Variants in TRPM5 observed in about 807,000 individuals in gnomAD.
The protein encoded by TRPM5 is transient receptor potential cation channel subfamily M member 5.
Under a neutral mutation model 124.9 loss-of-function variants are expected in TRPM5, and 121 were observed. The ratio of observed to expected loss-of-function variants is 0.97; its 90% CI spans 0.84 to 1.13. The LOEUF (loss-of-function observed/expected upper bound fraction) is 1.13, where lower values mean the gene tolerates loss of function less well. TRPM5 is among the 50% of genes most tolerant of loss of function. TRPM5 has a pLI of 0.00. For synonymous variants in TRPM5, 781 were observed against 700.5 expected (o/e 1.11, Z -1.81); for missense variants, 1,643 against 1,589.1 (o/e 1.03, Z -0.58).
intron 12 of TRPM5, 52 bp downstream of exon 17, chr11:2,414,009 G>GGGGGCCCCCCCCCCCCCCCCCCCCCCC: frequency 3.3e-5 from 34 of 1,023,596 alleles, no homozygotes; most frequent in East Asian, 8.5e-5. Context: ...GGCCCAGCTC[G>GGGGGCCCCCCCCCCCCCCCCCCCCCCC]CCCGCCCACC....
At chr11:2,428,207 A>G in the TRPM5 span, among the ~76,000 whole-genome samples, 1 of 152,202 alleles carries the variant, frequency 6.6e-6, no homozygotes, top group East Asian at 1.9e-4. The surrounding 1 kb of genome is among the most constrained non-coding windows in gnomAD (Gnocchi z 4.0). Flanking sequence ...GGTTGCAGGT[A>G]ACACATGAGG....
the TRPM5 span, among the ~76,000 whole-genome samples, chr11:2,429,517 G>A: frequency 6.6e-6 from 1 of 151,698 alleles, no homozygotes; most frequent in Non-Finnish European, 1.5e-5. This position sits in a 1 kb window ranked among gnomAD's most constrained non-coding sequence, Gnocchi z 8.4. Context: ...GGTGTGGTAC[G>A]ATGGTGGTGC....
At chr11:2,424,207 T>C (rs988102774), upstream of TRPM5, among the ~76,000 whole-genome samples, 1 of 152,230 alleles carries the variant, frequency 6.6e-6, no homozygotes, top group Non-Finnish European at 1.5e-5. Flanking sequence ...GAGAAGACAA[T>C]GGACCGTTCT....
chr11:2,406,654 C>A lies in TRPM5; in HGVS notation c.3251+7G>T, dbSNP rs768453069. ...TACCCACCAGTGATCAGGACAGGCCCCCGCACCTGTGGGCGGTTTTCCGCA... is the reference window on the plus strand; with the variant it reads ...TACCCACCAGTGATCAGGACAGGCCACCGCACCTGTGGGCGGTTTTCCGCA... On this transcript the variant is annotated splice_region_variant and intron_variant, in intron 21 of 23. Transcript: ENST00000155858. 43 of 1,603,334 alleles carry A rather than the reference C, an allele frequency of 2.7e-5. No homozygotes were observed. The highest frequency in any genetic ancestry group is 3.5e-5 in the Non-Finnish European group (41 of 1,174,668).
chr11:2,438,483 G>A, the TRPM5 span, among the ~76,000 whole-genome samples: 164 of 152,168 alleles, frequency 1.1e-3, no homozygotes, highest in African/African-American at 3.9e-3. This position sits in a 1 kb window ranked among gnomAD's most constrained non-coding sequence, Gnocchi z 5.9. Context: ...TGGCCAATAT[G>A]GTGAAAACCC....
intron 23 of TRPM5, 115 bp downstream of exon 28, chr11:2,405,412 A>T: frequency 8.8e-7 from 1 of 1,131,770 alleles, no homozygotes; most frequent in Non-Finnish European, 1.3e-6. Flanking sequence ...AGGCCTCCTG[A>T]GACTCCCGGG....
At chr11:2,409,002 C>T (rs939752183) in intron 18 of TRPM5, among the ~76,000 whole-genome samples, 16 of 152,204 alleles carry the variant, frequency 1.1e-4, no homozygotes, top group Admixed American at 2.6e-4. Flanking sequence ...GGTTGCCCTG[C>T]GGTGGGTTCT....
At chr11:2,414,009 GCCCGCCCACCCCACCCCCT>G in intron 12 of TRPM5, 33 bp downstream of exon 17, 30 of 1,023,626 alleles carry the variant, frequency 2.9e-5, no homozygotes, top group East Asian at 1.1e-4. Flanking sequence ...GGCCCAGCTC[GCCCGCCCACCCCACCCCCT>G]GGCAGCTCTC....
In TRPM5 at chr11:2,406,043, C is replaced by T. The variant is rs1433743162; in HGVS notation, c.3300G>A (p.Lys1100=). The T allele has an allele frequency of 1.9e-6, 3 of 1,612,198 alleles. No individual in the cohort carries two copies. The South Asian group carries it at 3.3e-5, about 18-fold the overall frequency. Residue 1100 remains lysine (K), a synonymous_variant, in exon 22 of 24, where the codon AAG becomes AAA. Transcript: ENST00000155858. ...CCTGTGACTCCAGACACTTGATGCG[C>T]TTTTCTTGCTCTCTCAGACCCCCGA... is the stretch of plus-strand genomic sequence containing the variant.
chr11:2,409,836 C>T (rs1420937541), intron 18 of TRPM5, among the ~76,000 whole-genome samples: 6 of 152,208 alleles, frequency 3.9e-5, no homozygotes, highest in Admixed American at 3.9e-4. Flanking sequence ...ATCCCCGCAG[C>T]ACCGCAGACC....
chr11:2,414,678 C>T (rs770910069), intron 11 of TRPM5, 37 bp downstream of exon 16: 155 of 1,470,930 alleles, frequency 1.1e-4, no homozygotes, highest in Admixed American at 5.0e-4. Context: ...ACATCCTCCC[C>T]CGCGCGCGGG....
rs199622031 is a variant in TRPM5 at position 2,407,092 on chromosome 11, G to C, written c.3118+27C>G. 2.3e-4 allele frequency: 241 copies of C among 1,044,506 alleles called. 1 individual carries two copies. In the African/African-American group the frequency reaches 3.4e-3, roughly 15 times the overall value. The allele number at this position is 1,044,506 out of a possible 1,614,324, so 64.7% of individuals were successfully genotyped here. A position where few individuals can be genotyped will look rare whatever the true frequency, so the allele number is the denominator to read the frequency against. On this transcript the variant is annotated intron_variant, in intron 20 of 23. Coordinates refer to ENST00000155858, the Ensembl canonical transcript of TRPM5. Reference sequence around the variant, plus strand: ...GGACCCGCCACCTCGGCCTCACCCAGGTGCTCCCGCTTGTGCTCGGCCTCA... The same window carrying C: ...GGACCCGCCACCTCGGCCTCACCCACGTGCTCCCGCTTGTGCTCGGCCTCA...
At chr11:2,428,361 T>C in the TRPM5 span, among the ~76,000 whole-genome samples, 1 of 152,190 alleles carries the variant, frequency 6.6e-6, no homozygotes, top group Non-Finnish European at 1.5e-5. The surrounding 1 kb of genome is among the most constrained non-coding windows in gnomAD (Gnocchi z 4.0). Flanking sequence ...TGGTGGCCTC[T>C]CTAGTCTGGC....
chr11:2,417,970 G>T, intron 6 of TRPM5, 141 bp from the exon 12 acceptor site: 2 of 1,005,026 alleles, frequency 2.0e-6, no homozygotes, highest in Non-Finnish European at 1.5e-6. Context: ...CACCGGGCCC[G>T]GCCTGGGACC....
exon 15 of TRPM5, chr11:2,413,005 C>T (rs780781313): frequency 6.2e-7 from 1 of 1,604,280 alleles, no homozygotes; most frequent in Non-Finnish European, 8.5e-7. Flanking sequence ...TCCACCAGCT[C>T]CTCCACCCTG....
At chr11:2,413,175 G>T (rs766094589) in exon 14 of TRPM5, 1 of 1,552,728 alleles carries the variant, frequency 6.4e-7, no homozygotes, top group South Asian at 1.2e-5. Context: ...CCGTGTCCAG[G>T]CTGTCCAGGT....
rs917488634 is a variant in TRPM5, at chr11:2,414,337, C to T, written c.1745-131G>A. Reference sequence around the variant, plus strand: ...CTGCGTTCAACACGCAGGGCCCAGCCAGGCCTTCTGCCCCCTCCGGCCTGC... The same window carrying T: ...CTGCGTTCAACACGCAGGGCCCAGCTAGGCCTTCTGCCCCCTCCGGCCTGC... On this transcript the variant is annotated intron_variant, in intron 11 of 23. Coordinates refer to ENST00000155858, the Ensembl canonical transcript of TRPM5. The T allele has an allele frequency of 1.0e-5, 14 of 1,335,564 alleles. No individual in the cohort carries two copies. The African/African-American group carries it at 1.9e-4, about 18-fold the overall frequency. The allele number at this position is 1,335,564 out of a possible 1,614,324, so 82.7% of individuals were successfully genotyped here.
intron 22 of TRPM5, 48 bp downstream of exon 27, chr11:2,405,971 G>A (rs527779538): frequency 2.8e-5 from 43 of 1,543,724 alleles, no homozygotes; most frequent in Middle Eastern, 3.4e-4. Context: ...GTAGCCCCAC[G>A]CAGCCACCCG....
chr11:2,414,997 C>T (rs1457827107), exon 10 of TRPM5: 1 of 1,605,718 alleles, frequency 6.2e-7, no homozygotes, highest in South Asian at 1.1e-5. Flanking sequence ...TCTTCTGGTT[C>T]AGGTCCAGCA....
Sources: gnomAD v4.1 joint callset for allele counts (sites outside exome capture counted in the v4.1 genomes callset) on GRCh38, gnomAD v4.1.1 for gene constraint, Gnocchi (gnomAD v3.1) non-coding constraint, MANE v1.5 for transcripts, NCBI Gene and HGNC (gene_info 2026-07-23, HGNC 2026-07-21) for gene names.